ZNF273: variants seen among roughly 807,000 people sequenced by gnomAD.
ZNF273 encodes the protein zinc finger protein 273.
In ZNF273, 11 loss-of-function variants were observed where a neutral mutation model predicts 14.9. The ratio of observed to expected loss-of-function variants is 0.74; its 90% confidence interval spans 0.46 to 1.22. The LOEUF (loss-of-function observed/expected upper bound fraction) is 1.22. ZNF273 is among the 50% of genes most tolerant of loss of function. The pLI, the probability that ZNF273 is intolerant of heterozygous loss-of-function variation, is 0.00. For synonymous variants in ZNF273, 199 were observed against 223.9 expected (o/e 0.89, Z 0.99); for missense variants, 577 against 660.6 (o/e 0.87, Z 1.39).
downstream of ZNF273, chr7:64,889,745 C>T: frequency 1.0e-6 from 1 of 985,876 alleles, no homozygotes; most frequent in Non-Finnish European, 1.2e-6. This position sits in a 1 kb window ranked among gnomAD's most constrained non-coding sequence, Gnocchi z 4.2. Context: ...ACCATCCACG[C>T]TCAGCCCCAC....
intron 3 of ZNF273, among the ~76,000 whole-genome samples, chr7:64,920,489 C>T (rs1050425206): frequency 6.0e-5 from 8 of 134,008 alleles, no homozygotes; most frequent in Admixed American, 3.9e-4. Context: ...CAGGTCTGTC[C>T]GCATGGCTAT....
At chr7:64,899,146 A>T (rs1435184196), upstream of ZNF273, among the ~76,000 whole-genome samples, 7 of 152,270 alleles carry the variant, frequency 4.6e-5, no homozygotes, top group Non-Finnish European at 8.8e-5. Flanking sequence ...CCAGAATTTT[A>T]AATTTCAAAA....
intron 4 of ZNF273, chr7:64,898,172 T>G (rs567591933): frequency 6.6e-6 from 1 of 152,340 alleles, no homozygotes; most frequent in South Asian, 2.1e-4. Context: ...TTCATACAAG[T>G]CTTACCTGTA....
chr7:64,926,625 C>T (rs535397850), intron 3 of ZNF273, among the ~76,000 whole-genome samples: 3 of 152,050 alleles, frequency 2.0e-5, no homozygotes, highest in African/African-American at 7.2e-5. Flanking sequence ...TTGATGAGGC[C>T]ATGTTGCCTT....
chr7:64,934,855 G>C (rs569585090), downstream of ZNF273, among the ~76,000 whole-genome samples: 2 of 151,966 alleles, frequency 1.3e-5, no homozygotes, highest in Admixed American at 6.5e-5. Flanking sequence ...CTGGTATTTT[G>C]ATAAAGGTTG....
chr7:64,935,682 C>T (rs1562970749), downstream of ZNF273, among the ~76,000 whole-genome samples: 3 of 151,950 alleles, frequency 2.0e-5, no homozygotes, highest in Admixed American at 1.3e-4. Context: ...GCCACTATGC[C>T]CAGCTAATTT....
intron 1 of ZNF273, chr7:64,916,882 T>C (rs762360941): frequency 3.2e-6 from 2 of 621,152 alleles, no homozygotes; most frequent in Non-Finnish European, 4.3e-6. Flanking sequence ...TACTATAGAG[T>C]TAATTATTTT....
chr7:64,906,444 T>G (rs1346585254), intron 1 of ZNF273, among the ~76,000 whole-genome samples: 2 of 152,240 alleles, frequency 1.3e-5, no homozygotes, highest in Admixed American at 6.5e-5. Context: ...CCTTAAAATG[T>G]CTTCCCCTTA....
At chr7:64,936,511 A>G in the ZNF273 span, among the ~76,000 whole-genome samples, 8 of 152,336 alleles carry the variant, frequency 5.3e-5, no homozygotes, top group South Asian at 1.5e-3. Flanking sequence ...CACTTTTACC[A>G]TATTATAATA....
At chr7:64,916,371 A>C (rs868168589) in intron 1 of ZNF273, among the ~76,000 whole-genome samples, 10,887 of 139,636 alleles carry the variant, frequency 0.078, 651 homozygotes, top group African/African-American at 0.16. Flanking sequence ...CTAAAAATGT[A>C]AAAAAAAAAA....
upstream of ZNF273, among the ~76,000 whole-genome samples, chr7:64,901,739 T>TCATGTATAATATTATACATAA: frequency 6.6e-6 from 1 of 151,790 alleles, no homozygotes; most frequent in African/African-American, 2.4e-5. Context: ...TCACATGAGG[T>TCATGTATAATATTATACATAA]TGGGAGTTCG....
At chr7:64,908,443 C>CT (rs1793265798) in intron 1 of ZNF273, among the ~76,000 whole-genome samples, 1 of 152,146 alleles carries the variant, frequency 6.6e-6, no homozygotes, top group African/African-American at 2.4e-5. Flanking sequence ...TTGTTCCCCG[C>CT]TTTGAGTCCA....
Position 64,928,273 on chromosome 7 carries a change from A to G in ZNF273, c.945A>G (p.Thr315=), listed in dbSNP as rs1562966600. The change falls in exon 4 of 4, where the codon ACA becomes ACG. Residue 315 remains threonine, a synonymous_variant. Coordinates refer to ENST00000476120, the MANE Select transcript of ZNF273 (RefSeq NM_021148.3). ...AACATAAGATAATTCATACAGGAAC[A>G]AAACCCTACAATTGTGAAGAATGTG... ...LTKHKIIHTG[T]KPYNCEECGK... The G allele has an allele frequency of 6.2e-7, 1 of 1,612,524 alleles. No homozygotes were observed. The highest frequency in any genetic ancestry group is 8.5e-7 in the Non-Finnish European group (1 of 1,179,468).
Position 64,928,552 on chromosome 7 carries a change from T to A in ZNF273, c.1224T>A (p.Gly408=), listed in dbSNP as rs1380483687. Residue 408 remains glycine, a synonymous_variant, in exon 4 of 4, where the codon GGT becomes GGA. Coordinates refer to ENST00000476120, the MANE Select transcript of ZNF273 (RefSeq NM_021148.3). ...GEKPYKCEEC[G]KAFKRSTTLT... ...AACCCTACAAATGTGAAGAATGTGG[T>A]AAAGCCTTTAAACGGTCCACAACTC... 1 of 1,612,474 alleles carries A rather than the reference T, an allele frequency of 6.2e-7. No individual in the cohort carries two copies. Among genetic ancestry groups the A allele is most frequent in the Non-Finnish European group, 8.5e-7 (1 of 1,179,532 alleles).
intron 1 of ZNF273, among the ~76,000 whole-genome samples, chr7:64,911,976 A>G (rs1321209117): frequency 6.6e-6 from 1 of 152,122 alleles, no homozygotes; most frequent in Non-Finnish European, 1.5e-5. Flanking sequence ...TCTCAATTCC[A>G]TTATTTACCC....
At chr7:64,908,444 T>C (rs1793265616) in intron 1 of ZNF273, among the ~76,000 whole-genome samples, 1 of 152,170 alleles carries the variant, frequency 6.6e-6, no homozygotes, top group South Asian at 2.1e-4. Context: ...TGTTCCCCGC[T>C]TTGAGTCCAT....
downstream of ZNF273, chr7:64,889,255 G>T (rs1791809027): frequency 1.0e-6 from 1 of 985,140 alleles, no homozygotes; most frequent in Non-Finnish European, 1.2e-6. This position sits in a 1 kb window ranked among gnomAD's most constrained non-coding sequence, Gnocchi z 4.2. Context: ...CTCCCCGCCC[G>T]CAAAGGGCCG....
At position 64,928,894 on chromosome 7, in the gene ZNF273, T is replaced by TTAA. The variant is rs1554391165; in HGVS notation, c.1567_1568insAAT (p.Ala522_Phe523insTer). Reference sequence around the variant, plus strand: ...ACAAATGTGAAGAATGTGGCAAAGCTTTTAACCGGTCCTCAAACCTTACTC... The same window carrying TTAA: ...ACAAATGTGAAGAATGTGGCAAAGCTTAATTTAACCGGTCCTCAAACCTTACTC... On this transcript the variant is annotated stop_gained and inframe_insertion, in exon 4 of 4. Coordinates refer to ENST00000476120, the MANE Select transcript of ZNF273 (RefSeq NM_021148.3). LOFTEE classifies it low-confidence loss of function (END_TRUNC). 6.2e-7 allele frequency: 1 copy of TTAA among 1,613,892 alleles called. No homozygotes were observed. The highest frequency in any genetic ancestry group is 8.5e-7 in the Non-Finnish European group (1 of 1,179,920).
rs766228296 is a variant in ZNF273, at chr7:64,928,215, G to A, written c.887G>A (p.Gly296Asp). 1 of 1,613,232 alleles carries A rather than the reference G, an allele frequency of 6.2e-7. No individual in the cohort carries two copies. Among genetic ancestry groups the A allele is most frequent in the South Asian group, 1.1e-5 (1 of 90,984 alleles). The change falls in exon 4 of 4, where the codon GGC (glycine) becomes GAC (aspartate). Residue 296 changes from glycine to aspartate, a missense_variant. Gly to Asp is a moderately conservative substitution (Grantham distance 94). Coordinates refer to ENST00000476120, the MANE Select transcript of ZNF273 (RefSeq NM_021148.3). ...EEKPYKCEDC[G>D]KVFSVFSVLT... ...AAACCTTACAAATGTGAAGATTGTG[G>A]CAAAGTCTTTAGTGTATTTTCAGTC...
Sources: allele counts gnomAD v4.1 joint callset (sites outside exome capture counted in the v4.1 genomes callset), GRCh38; gene constraint gnomAD v4.1.1; non-coding constraint Gnocchi (gnomAD v3.1); transcripts MANE v1.5; gene names NCBI Gene and HGNC (gene_info 2026-07-23, HGNC 2026-07-21).